The following OMA1 variants were observed in gnomAD, a reference collection of about 807,000 sequenced individuals.
OMA1 encodes metalloendopeptidase OMA1, mitochondrial.
Under a neutral mutation model 30.9 loss-of-function variants are expected in OMA1, and 38 were observed. The ratio of observed to expected loss-of-function variants is 1.23; its 90% CI spans 0.95 to 1.61. OMA1 has a LOEUF of 1.61. Among genes scored for constraint, OMA1 ranks in the 40% most tolerant of loss-of-function variants. The pLI is 0.00. For missense variants in OMA1, 461 were observed against 349.2 expected, an observed-to-expected ratio of 1.32 and a Z score of -2.55; for synonymous variants, 173 against 121.9, an observed-to-expected ratio of 1.42 and a Z score of -2.76.
Position 58,480,904 on chromosome 1 carries a change from T to C in OMA1, c.*61A>G, listed in dbSNP as rs1403822761. The stretch of plus-strand genomic sequence containing the variant: ...ACTTCAAACATCATTTTTTAAAAAG[T>C]AACATAAAATGATAAGGACTGCAAC... On this transcript the variant is annotated 3_prime_UTR_variant, in exon 9 of 9. Transcript: ENST00000371226. 5.3e-6 allele frequency: 4 copies of C among 749,626 alleles called. No homozygotes were observed. The highest frequency in any genetic ancestry group is 8.9e-6 in the Non-Finnish European group (4 of 447,068). 46.4% of individuals were successfully genotyped at this position (749,626 alleles called of 1,614,324 possible). A position where few individuals can be genotyped will look rare whatever the true frequency, so the allele number is the denominator to read the frequency against.
intron 8 of OMA1, among the ~76,000 whole-genome samples, chr1:58,481,478 G>A (rs915719638): frequency 1.3e-5 from 2 of 152,048 alleles, no homozygotes; most frequent in East Asian, 3.8e-4. Flanking sequence ...TATGGTTTCA[G>A]TTAAACTCTA....
At chr1:58,534,889 T>A (rs964750625) in intron 3 of OMA1, among the ~76,000 whole-genome samples, 2 of 151,996 alleles carry the variant, frequency 1.3e-5, no homozygotes, top group African/African-American at 4.8e-5. Flanking sequence ...TGAGCTGAGA[T>A]CTCGCCACTG....
At chr1:58,544,884 G>A (rs1050249545) in intron 1 of OMA1, among the ~76,000 whole-genome samples, 1 of 152,074 alleles carries the variant, frequency 6.6e-6, no homozygotes, top group Non-Finnish European at 1.5e-5. Flanking sequence ...CTGAGCCACC[G>A]CACCTGGCCA....
chr1:58,533,429 G>A (rs1307459006), intron 5 of OMA1, among the ~76,000 whole-genome samples: 1 of 151,968 alleles, frequency 6.6e-6, no homozygotes, highest in Non-Finnish European at 1.5e-5. Flanking sequence ...AATTATGAAT[G>A]GGAAGCCACA....
chr1:58,501,491 C>G (rs567958064), intron 8 of OMA1, among the ~76,000 whole-genome samples: 1 of 152,154 alleles, frequency 6.6e-6, no homozygotes, highest in East Asian at 1.9e-4. Context: ...CTTACAGGGG[C>G]GATAAGGCCC....
At chr1:58,486,783 G>C (rs920086935) in intron 8 of OMA1, among the ~76,000 whole-genome samples, 1 of 152,208 alleles carries the variant, frequency 6.6e-6, no homozygotes, top group Admixed American at 6.5e-5. Flanking sequence ...CTAAAGAACT[G>C]AGGGAAGAAT....
chr1:58,527,145 G>T, intron 7 of OMA1, 116 bp downstream of exon 7: 1 of 680,882 alleles, frequency 1.5e-6, no homozygotes, highest in East Asian at 2.6e-5. Flanking sequence ...ATTACATAAA[G>T]GGCTAATACA....
At chr1:58,485,475 T>C (rs977437336) in intron 8 of OMA1, among the ~76,000 whole-genome samples, 1 of 152,056 alleles carries the variant, frequency 6.6e-6, no homozygotes, top group Admixed American at 6.6e-5. Flanking sequence ...TACTTCTTCA[T>C]GTGTGAACTG....
chr1:58,491,659 A>T (rs1431822960), intron 8 of OMA1, among the ~76,000 whole-genome samples: 1 of 152,186 alleles, frequency 6.6e-6, no homozygotes, highest in Non-Finnish European at 1.5e-5. Flanking sequence ...AGATCAAAAG[A>T]GACAAAGAAG....
chr1:58,486,880 TA>T, intron 8 of OMA1, among the ~76,000 whole-genome samples: 1 of 152,152 alleles, frequency 6.6e-6, no homozygotes, highest in Non-Finnish European at 1.5e-5. Flanking sequence ...GTATGTTTCC[TA>T]AACCAAGGAA....
intron 7 of OMA1, among the ~76,000 whole-genome samples, chr1:58,513,709 T>C (rs923981696): frequency 1.1e-4 from 17 of 152,244 alleles, no homozygotes; most frequent in African/African-American, 3.9e-4. Context: ...CAGTCACTTA[T>C]ATGACACCAC....
chr1:58,488,598 T>G (rs1645617463), intron 8 of OMA1, among the ~76,000 whole-genome samples: 1 of 152,180 alleles, frequency 6.6e-6, no homozygotes, highest in Non-Finnish European at 1.5e-5. Context: ...ATTACAGGCA[T>G]GAGCCACCAT....
intron 8 of OMA1, among the ~76,000 whole-genome samples, chr1:58,505,636 T>G (rs1257224350): frequency 6.6e-6 from 1 of 152,152 alleles, no homozygotes; most frequent in Non-Finnish European, 1.5e-5. Context: ...CAAATTCCAG[T>G]ACCACTACTA....
chr1:58,508,574 C>T (rs186893867), intron 7 of OMA1, among the ~76,000 whole-genome samples: 130 of 152,266 alleles, frequency 8.5e-4, no homozygotes, highest in Admixed American at 7.6e-3. Flanking sequence ...CATAAGAACA[C>T]CTGCAGCTCC....
intron 8 of OMA1, among the ~76,000 whole-genome samples, chr1:58,498,153 TG>T: frequency 6.6e-6 from 1 of 152,178 alleles, no homozygotes; most frequent in Middle Eastern, 3.4e-3. Flanking sequence ...TATCAGTGGG[TG>T]AAAAATAGGG....
intron 4 of OMA1, 23 bp from the exon 5 acceptor site, chr1:58,534,083 T>C (rs758739580): frequency 1.2e-6 from 1 of 868,928 alleles, no homozygotes; most frequent in Admixed American, 1.7e-5. Context: ...GAAAATAATG[T>C]AAGCAATTAG....
At chr1:58,512,363 A>C (rs1436498867) in intron 7 of OMA1, among the ~76,000 whole-genome samples, 3 of 152,208 alleles carry the variant, frequency 2.0e-5, no homozygotes, top group Non-Finnish European at 2.9e-5. Flanking sequence ...AAAATTTTTA[A>C]AAAGTACTAT....
intron 8 of OMA1, among the ~76,000 whole-genome samples, chr1:58,499,899 G>A (rs1645878446): frequency 6.6e-6 from 1 of 151,628 alleles, no homozygotes; most frequent in African/African-American, 2.4e-5. Flanking sequence ...TATTCTGACA[G>A]GTATTACATA....
chr1:58,535,334 G>T (rs950531860), intron 3 of OMA1, among the ~76,000 whole-genome samples: 1 of 152,226 alleles, frequency 6.6e-6, no homozygotes, highest in South Asian at 2.1e-4. Flanking sequence ...TGGGCATGGT[G>T]GCTCATGCCT....
Sources: gnomAD v4.1 joint callset for allele counts (sites outside exome capture counted in the v4.1 genomes callset) on GRCh38, gnomAD v4.1.1 for gene constraint, MANE v1.5 for transcripts, NCBI Gene and HGNC (gene_info 2026-07-23, HGNC 2026-07-21) for gene names.